Variants in MPST observed in about 807,000 individuals in gnomAD.
MPST encodes the protein 3-mercaptopyruvate sulfurtransferase.
A neutral mutation model predicts 28.5 loss-of-function variants in MPST; 27 were observed. The observed-to-expected ratio is 0.95, with a 90% CI of 0.70 to 1.31. The LOEUF (loss-of-function observed/expected upper bound fraction) is 1.31. Among genes scored for constraint, MPST ranks in the 50% most tolerant of loss-of-function variants. MPST has a pLI of 0.00. For synonymous variants in MPST, 204 were observed against 209.3 expected (o/e 0.97, Z 0.22); for missense variants, 492 against 471.1 (o/e 1.04, Z -0.41).
At chr22:37,025,168 T>G (rs924369792) in intron 2 of MPST, 46 of 1,316,514 alleles carry the variant, frequency 3.5e-5, no homozygotes, top group Non-Finnish European at 4.4e-5. Context: ...TCGGTGACTT[T>G]GTCTGTTAAG....
intron 2 of MPST, chr22:37,028,099 A>G (rs969549693): frequency 6.6e-6 from 1 of 152,244 alleles, no homozygotes; most frequent in African/African-American, 2.4e-5. Context: ...GAAAGTAAGC[A>G]TTCAATAACA....
rs138084568 is a variant in MPST at position 37,029,754 on chromosome 22, G to A, written c.*240G>A. On this transcript the variant is annotated 3_prime_UTR_variant, in exon 3 of 3. Coordinates refer to ENST00000429360, the MANE Select transcript of MPST (RefSeq NM_021126.8). ...AACTCCGAGCTGCCCACCTGGTGCTGAGCTGGGGCCCCGCCTCCTTTCTGT... is the reference window on the plus strand; with the variant it reads ...AACTCCGAGCTGCCCACCTGGTGCTAAGCTGGGGCCCCGCCTCCTTTCTGT... 333 of 575,982 alleles carry A rather than the reference G, an allele frequency of 5.8e-4. No individual in the cohort carries two copies. The African/African-American group carries it at 5.9e-3, about 10-fold the overall frequency. The allele number at this position is 575,982 out of a possible 1,614,324, so 35.7% of individuals were successfully genotyped here. A position where few individuals can be genotyped will look rare whatever the true frequency, so the allele number is the denominator to read the frequency against.
rs1247841969 is a variant in MPST at position 37,024,613 on chromosome 22, G to A, written c.458G>A (p.Arg153His). The change falls in exon 2 of 3, where the codon CGC (arginine) becomes CAC (histidine). Residue 153 changes from arginine to histidine, a missense_variant. Arg to His is a conservative substitution (Grantham distance 29, BLOSUM62 0). Transcript: ENST00000429360. ...GTGTCACTGCTTGATGGCGGCCTCC[G>A]CCACTGGCTGCGCCAGAACCTCCCG... ...HAVSLLDGGL[R>H]HWLRQNLPLS... is the part of the protein sequence containing the mutation. 1 of 1,594,684 alleles carries A rather than the reference G, an allele frequency of 6.3e-7. No homozygotes were observed. Among genetic ancestry groups the A allele is most frequent in the Non-Finnish European group, 8.5e-7 (1 of 1,177,032 alleles).
intron 1 of MPST, 74 bp from the exon 2 acceptor site, chr22:37,024,118 A>T: frequency 7.5e-7 from 1 of 1,332,356 alleles, no homozygotes; most frequent in Non-Finnish European, 9.7e-7. Flanking sequence ...GCCCTCGCCC[A>T]TGCTCCAGCC....
chr22:37,020,081 C>T (rs1024247582), intron 1 of MPST: 67 of 389,640 alleles, frequency 1.7e-4, no homozygotes, highest in African/African-American at 1.3e-3. Context: ...GGTGGGGAGC[C>T]TTGGGTGGAA....
At position 37,023,799 on chromosome 22, in the gene MPST, G is replaced by A. The variant is rs1569165516; in HGVS notation, c.37-393G>A. 5.7e-6 allele frequency: 7 copies of A among 1,219,436 alleles called. No homozygotes were observed. In the East Asian group the frequency reaches 3.6e-4, roughly 63 times the overall value. 75.5% of individuals were successfully genotyped at this position (1,219,436 alleles called of 1,614,324 possible). A position where few individuals can be genotyped will look rare whatever the true frequency, so the allele number is the denominator to read the frequency against. The stretch of plus-strand genomic sequence containing the variant: ...GAGTGAATGAATGACTTCCGTCTGG[G>A]ACTTGGTTGCAAATAAAGCCGAGCT... On this transcript the variant is annotated intron_variant, in intron 1 of 2. Transcript: ENST00000429360.
At position 37,024,269 on chromosome 22, in the gene MPST, GGCGCTGCGGGCCCCGC is replaced by G; in HGVS notation, c.121_136del (p.Arg41GlyfsTer73). On this transcript the variant is annotated frameshift_variant, in exon 2 of 3. Coordinates refer to ENST00000429360, the MANE Select transcript of MPST (RefSeq NM_021126.8). LOFTEE classifies it high-confidence loss of function. ...TGGTGTCGGCGCAATGGGTGGCGGA[GGCGCTGCGGGCCCCGC>G]GCGCTGGGCAGCCTCTGCAGCTGCT... 1 of 1,468,560 alleles carries G rather than the reference GGCGCTGCGGGCCCCGC, an allele frequency of 6.8e-7. No individual in the cohort carries two copies. The highest frequency in any genetic ancestry group is 2.6e-5 in the Admixed American group (1 of 37,768). 91.0% of individuals were successfully genotyped at this position (1,468,560 alleles called of 1,614,324 possible).
At chr22:37,025,748 C>G (rs879941170) in intron 2 of MPST, 1 of 152,696 alleles carries the variant, frequency 6.5e-6, no homozygotes, top group Non-Finnish European at 1.5e-5. Flanking sequence ...CCAGGAACTC[C>G]CCAGCCCTTT....
rs547192010 is a variant in MPST at position 37,019,897 on chromosome 22, G to T, written c.36+25G>T. ...GGTAACTGCCGCGGCGTGGCGGCTT[G>T]CCTTTCTGGAGGGGGAGGGAGTGGC... is the stretch of plus-strand genomic sequence containing the variant. On this transcript the variant is annotated intron_variant, in intron 1 of 2. Coordinates refer to ENST00000429360, the MANE Select transcript of MPST (RefSeq NM_021126.8). The T allele has an allele frequency of 2.2e-5, 26 of 1,187,602 alleles. No homozygotes were observed. The African/African-American group carries it at 3.6e-4, about 17-fold the overall frequency. 73.6% of individuals were successfully genotyped at this position (1,187,602 alleles called of 1,614,324 possible).
At position 37,024,222 on chromosome 22, in the gene MPST, T is replaced by C; in HGVS notation, c.67T>C (p.Ser23Pro). 7.2e-7 allele frequency: 1 copy of C among 1,384,888 alleles called. No homozygotes were observed. The highest frequency in any genetic ancestry group is 2.9e-5 in the East Asian group (1 of 33,974). 85.8% of individuals were successfully genotyped at this position (1,384,888 alleles called of 1,614,324 possible). ...ARSPSVAAMA[S>P]PQLCRALVSA... ...CAGCCCGAGTGTCGCCGCCATGGCT[T>C]CGCCGCAGCTCTGCCGCGCGCTGGT... The change falls in exon 2 of 3, where the codon TCG becomes CCG. Residue 23 changes from serine to proline, a missense_variant. Physicochemically the swap from Ser to Pro is moderately conservative, Grantham distance 74. Coordinates refer to ENST00000429360, the MANE Select transcript of MPST (RefSeq NM_021126.8).
At chr22:37,024,858 C>T (rs1244729238) in intron 2 of MPST, 48 bp downstream of exon 2, 5 of 1,584,986 alleles carry the variant, frequency 3.2e-6, no homozygotes, top group Non-Finnish European at 2.6e-6. Context: ...GCGGCCTCTA[C>T]GCCCTGAGCA....
At position 37,024,250 on chromosome 22, in the gene MPST, C is replaced by T. The variant is rs1200130170; in HGVS notation, c.95C>T (p.Ser32Leu). 25 of 1,432,188 alleles carry T rather than the reference C, an allele frequency of 1.7e-5. 1 individual carries two copies. Among genetic ancestry groups the T allele is most frequent in the Non-Finnish European group, 2.1e-5 (23 of 1,102,878 alleles). 88.7% of individuals were successfully genotyped at this position (1,432,188 alleles called of 1,614,324 possible). The change falls in exon 2 of 3, where the codon TCG becomes TTG. Residue 32 changes from serine to leucine, a missense_variant. By Grantham distance (145) the Ser-to-Leu change is moderately radical. Transcript: ENST00000429360. ...CCGCAGCTCTGCCGCGCGCTGGTGT[C>T]GGCGCAATGGGTGGCGGAGGCGCTG... Reference protein sequence around the residue: ...ASPQLCRALVSAQWVAEALRA... With the variant: ...ASPQLCRALVLAQWVAEALRA...
intron 2 of MPST, chr22:37,028,227 C>G (rs1159257487): frequency 2.6e-5 from 4 of 151,938 alleles, no homozygotes; most frequent in African/African-American, 4.8e-5. Context: ...ATACTGAGAC[C>G]CCATGTCTAT....
chr22:37,021,224 G>C (rs1020993400), intron 1 of MPST, among the ~76,000 whole-genome samples: 4 of 152,208 alleles, frequency 2.6e-5, no homozygotes, highest in African/African-American at 4.8e-5. Flanking sequence ...CTCACCTACA[G>C]TGATCCCGGC....
intron 1 of MPST, 161 bp downstream of exon 1, chr22:37,020,033 T>G: frequency 2.5e-6 from 1 of 402,936 alleles, no homozygotes; most frequent in Non-Finnish European, 4.3e-6. Context: ...GACTGTCCGC[T>G]TGGGGCGGCC....
intron 2 of MPST, chr22:37,028,572 T>C (rs1355459431): frequency 6.6e-6 from 1 of 150,746 alleles, no homozygotes; most frequent in Non-Finnish European, 1.5e-5. Flanking sequence ...TAGCTGAGCA[T>C]GGTGGCATGT....
At chr22:37,029,139 T>G (rs1923715213) in intron 2 of MPST, 77 bp from the exon 3 acceptor site, 1 of 1,354,950 alleles carries the variant, frequency 7.4e-7, no homozygotes, top group Non-Finnish European at 1.0e-6. Flanking sequence ...GCTCTCAATA[T>G]CTCGAGCACC....
In MPST at chr22:37,024,651, A is replaced by C; in HGVS notation, c.496A>C (p.Lys166Gln). ...CCAGAACCTCCCGCTCAGCTCCGGC[A>C]AGAGCCAACCTGCTCCCGCCGAGTT... ...LRQNLPLSSGKSQPAPAEFRA... is the reference protein window; with the variant it reads ...LRQNLPLSSGQSQPAPAEFRA... The change falls in exon 2 of 3, where the codon AAG becomes CAG. Residue 166 changes from lysine (K) to glutamine (Q), a missense_variant. Physicochemically the swap from Lys to Gln is moderately conservative, Grantham distance 53 (BLOSUM62 1). Transcript: ENST00000429360. 1 of 1,593,490 alleles carries C rather than the reference A, an allele frequency of 6.3e-7. No individual in the cohort carries two copies. The highest frequency in any genetic ancestry group is 8.5e-7 in the Non-Finnish European group (1 of 1,174,636).
chr22:37,020,109 A>C (rs537131611), intron 1 of MPST: 183 of 386,646 alleles, frequency 4.7e-4, no homozygotes, highest in Non-Finnish European at 7.6e-4. Flanking sequence ...ACCTGGTGGC[A>C]CCAGAGAGGG....
Sources: allele counts gnomAD v4.1 joint callset (sites outside exome capture counted in the v4.1 genomes callset), GRCh38; gene constraint gnomAD v4.1.1; transcripts MANE v1.5; gene names NCBI Gene and HGNC (gene_info 2026-07-23, HGNC 2026-07-21).